The following OPCML variants were observed in gnomAD, a reference collection of about 807,000 sequenced individuals.
The protein encoded by OPCML is opioid binding protein/cell adhesion molecule like.
A neutral mutation model predicts 37.8 loss-of-function variants in OPCML; 13 were observed. The ratio of observed to expected loss-of-function variants is 0.34; its 90% CI spans 0.22 to 0.55. OPCML has a LOEUF of 0.55. OPCML is among the 20% of genes least tolerant of loss of function. The pLI is 0.91. For synonymous variants in OPCML, 176 were observed against 168.8 expected (o/e 1.04, Z -0.33); for missense variants, 341 against 435.6 (o/e 0.78, Z 1.93).
intron 1 of OPCML, among the ~76,000 whole-genome samples, chr11:133,043,150 A>G (rs1947939590): frequency 6.6e-6 from 1 of 151,510 alleles, no homozygotes; most frequent in Non-Finnish European, 1.5e-5. Context: ...CACCTCATCA[A>G]CTCTCCTCTT....
rs187068306 is a variant in OPCML, at chr11:133,522,959, C to T, written c.61+9305G>A. Among the ~76,000 whole-genome samples, 5 of 152,258 alleles carry T rather than the reference C, an allele frequency of 3.3e-5. No individual in the cohort carries two copies. The East Asian group carries it at 9.7e-4, about 29-fold the overall frequency. ...GGCGGTGGGCCATGTGGAGGTCATA[C>T]ATGCTTTGCATCGTGATAATATTTG... On this transcript the variant is annotated intron_variant, in intron 1 of 7. Transcript: ENST00000524381.
intron 1 of OPCML, among the ~76,000 whole-genome samples, chr11:133,374,120 G>A (rs1163581345): frequency 6.6e-6 from 1 of 152,144 alleles, no homozygotes; most frequent in African/African-American, 2.4e-5. Context: ...ACATCAATAG[G>A]TGAGTGGACA....
chr11:133,206,668 C>T lies in OPCML; in HGVS notation c.62-263658G>A, dbSNP rs1448268960. Among the ~76,000 whole-genome samples the T allele has an allele frequency of 6.6e-6, 1 of 152,212 alleles. No individual in the cohort carries two copies. Among genetic ancestry groups the T allele is most frequent in the African/African-American group, 2.4e-5 (1 of 41,456 alleles). On this transcript the variant is annotated intron_variant, in intron 1 of 7. Coordinates refer to ENST00000524381, the MANE Select transcript of OPCML (RefSeq NM_001012393.5). The surrounding 1 kb of genome is among the most constrained non-coding windows in gnomAD (Gnocchi z 4.7). ...TCACTAGGGCCGAGCAAAGGCTGTG[C>T]TCTCCTGCTCGATGAAGCTTCTATC...
intron 2 of OPCML, among the ~76,000 whole-genome samples, chr11:132,855,385 G>A (rs1339392730): frequency 6.6e-6 from 1 of 152,156 alleles, no homozygotes; most frequent in African/African-American, 2.4e-5. Context: ...CATTCTTGGA[G>A]AGGCTGATTT....
intron 1 of OPCML, among the ~76,000 whole-genome samples, chr11:133,460,697 C>CA (rs1946838507): frequency 6.6e-6 from 1 of 151,726 alleles, no homozygotes; most frequent in African/African-American, 2.4e-5. Context: ...AATTGGTAAT[C>CA]AAAAAACTCA....
chr11:132,574,925 A>G lies in OPCML; in HGVS notation c.380-45739T>C, dbSNP rs149858234. On this transcript the variant is annotated intron_variant, in intron 3 of 7. Coordinates refer to ENST00000524381, the MANE Select transcript of OPCML (RefSeq NM_001012393.5). Reference sequence around the variant, plus strand: ...AGTTCTGTCAAGGTGTGCTTTACTTATTTAGGTGCTCTGATATTAGGTATA... The same window carrying G: ...AGTTCTGTCAAGGTGTGCTTTACTTGTTTAGGTGCTCTGATATTAGGTATA... Among the ~76,000 whole-genome samples, 8 of 152,032 alleles carry G rather than the reference A, an allele frequency of 5.3e-5. No homozygotes were observed. In the East Asian group the frequency reaches 1.5e-3, roughly 29 times the overall value.
intron 4 of OPCML, among the ~76,000 whole-genome samples, chr11:132,468,526 A>G (rs1278430527): frequency 6.6e-6 from 1 of 152,248 alleles, no homozygotes; most frequent in Non-Finnish European, 1.5e-5. Context: ...TGTAATTGTT[A>G]TACTGCAGCT....
intron 1 of OPCML, among the ~76,000 whole-genome samples, chr11:132,944,378 C>A (rs936983576): frequency 6.6e-6 from 1 of 152,182 alleles, no homozygotes; most frequent in African/African-American, 2.4e-5. Flanking sequence ...CATCGCGCTG[C>A]GAACGGCTCC....
rs1948370002 is a variant in OPCML at position 133,520,208 on chromosome 11, C to T, written c.61+12056G>A. Among the ~76,000 whole-genome samples, 5 of 152,072 alleles carry T rather than the reference C, an allele frequency of 3.3e-5. No individual in the cohort carries two copies. In the South Asian group the frequency reaches 8.3e-4, roughly 25 times the overall value. ...CTGCCCAGAAGACAGCCTGGTAACA[C>T]AGACAGAAGGACTCTTCCCAAGTGC... On this transcript the variant is annotated intron_variant, in intron 1 of 7. Transcript: ENST00000524381.
intron 2 of OPCML, among the ~76,000 whole-genome samples, chr11:132,818,039 T>C (rs1939731452): frequency 6.6e-6 from 1 of 152,122 alleles, no homozygotes; most frequent in African/African-American, 2.4e-5. Flanking sequence ...AGCATAAACC[T>C]GGATAGAATC....
At chr11:133,267,144 T>C (rs906557848) in intron 1 of OPCML, among the ~76,000 whole-genome samples, 6 of 152,178 alleles carry the variant, frequency 3.9e-5, no homozygotes, top group Admixed American at 1.3e-4. Flanking sequence ...GGAAAGAGTG[T>C]ACATTTTGGA....
At chr11:133,261,463 G>A (rs971142653) in intron 1 of OPCML, among the ~76,000 whole-genome samples, 4 of 152,080 alleles carry the variant, frequency 2.6e-5, no homozygotes, top group African/African-American at 7.2e-5. Flanking sequence ...ACGAAAGAGT[G>A]GTGAGGCTGG....
intron 1 of OPCML, among the ~76,000 whole-genome samples, chr11:133,140,651 AGAG>A (rs1949767419): frequency 7.4e-6 from 1 of 134,808 alleles, no homozygotes; most frequent in East Asian, 2.2e-4. Flanking sequence ...AGGAAGAGGA[AGAG>A]GAAGAAAAGA....
At chr11:133,303,157 G>C (rs1942823522) in intron 1 of OPCML, among the ~76,000 whole-genome samples, 1 of 152,126 alleles carries the variant, frequency 6.6e-6, no homozygotes, top group Non-Finnish European at 1.5e-5. Context: ...CAGCCCAAAA[G>C]TAAATACACT....
At chr11:133,125,136 G>C (rs1352193269) in intron 1 of OPCML, among the ~76,000 whole-genome samples, 1 of 152,130 alleles carries the variant, frequency 6.6e-6, no homozygotes, top group Non-Finnish European at 1.5e-5. Context: ...AACGTCGGGA[G>C]GTAGCTCCTT....
chr11:133,039,477 C>T (rs1237662207), intron 1 of OPCML, among the ~76,000 whole-genome samples: 1 of 152,192 alleles, frequency 6.6e-6, no homozygotes. Flanking sequence ...GCTATGTGCA[C>T]TCCCTGTCCC....
intron 3 of OPCML, among the ~76,000 whole-genome samples, chr11:132,594,774 T>G (rs186248451): frequency 6.6e-6 from 1 of 152,250 alleles, no homozygotes; most frequent in East Asian, 1.9e-4. Flanking sequence ...CTGGGGAAAA[T>G]AACAAATGGT....
At chr11:133,229,717 A>C (rs1592125096) in intron 1 of OPCML, among the ~76,000 whole-genome samples, 1 of 152,348 alleles carries the variant, frequency 6.6e-6, no homozygotes, top group East Asian at 1.9e-4. Flanking sequence ...AGCTTCAGGC[A>C]TCCTCTGGGG....
At chr11:132,600,839 C>CTTTTTTTTTTTT (rs145586468) in intron 3 of OPCML, among the ~76,000 whole-genome samples, 5 of 94,534 alleles carry the variant, frequency 5.3e-5, no homozygotes, top group African/African-American at 8.9e-5. Context: ...AAATAGTTAA[C>CTTTTTTTTTTTT]TTTTTTTTTT....
Sources: allele counts gnomAD v4.1 joint callset (sites outside exome capture counted in the v4.1 genomes callset), GRCh38; gene constraint gnomAD v4.1.1; non-coding constraint Gnocchi (gnomAD v3.1); transcripts MANE v1.5; gene names NCBI Gene and HGNC (gene_info 2026-07-23, HGNC 2026-07-21).